Variants in ENPP2 observed in about 807,000 individuals in gnomAD.
ENPP2 encodes autotaxin.
Under a neutral mutation model 120.2 loss-of-function variants are expected in ENPP2, and 51 were observed. The observed-to-expected ratio is 0.42, with a 90% confidence interval of 0.34 to 0.54. The LOEUF is 0.54. Among genes scored for constraint, ENPP2 ranks in the 20% least tolerant of loss-of-function variants. ENPP2 has a pLI of 0.04. For missense variants in ENPP2, 920 were observed against 1,066.5 expected, an observed-to-expected ratio of 0.86 and a Z score of 1.91; for synonymous variants, 365 against 366.4, an observed-to-expected ratio of 1.00 and a Z score of 0.04.
chr8:119,672,726 C>T (rs1332631010), intron 1 of ENPP2, among the ~76,000 whole-genome samples: 1 of 152,178 alleles, frequency 6.6e-6, no homozygotes, highest in African/African-American at 2.4e-5. Flanking sequence ...CTGCGATCGG[C>T]GCGTTGTGGG....
intron 2 of ENPP2, among the ~76,000 whole-genome samples, chr8:119,631,519 C>A (rs1816684095): frequency 6.6e-6 from 1 of 152,062 alleles, no homozygotes; most frequent in Non-Finnish European, 1.5e-5. Context: ...CCCAGTCTAT[C>A]TCTTTTAAAT....
chr8:119,590,451 C>T (rs1813416379), intron 13 of ENPP2, 54 bp downstream of exon 13: 24 of 1,404,758 alleles, frequency 1.7e-5, no homozygotes, highest in Non-Finnish European at 2.0e-5. Flanking sequence ...CAAGCCCTTA[C>T]CTATTCCTTT....
chr8:119,592,174 C>A (rs1421014498), intron 12 of ENPP2, among the ~76,000 whole-genome samples: 3 of 152,154 alleles, frequency 2.0e-5, no homozygotes, highest in African/African-American at 7.2e-5. Flanking sequence ...ACTCCAAAGA[C>A]CATGCCCTAA....
At chr8:119,560,370 C>G (rs1813834655) in intron 24 of ENPP2, among the ~76,000 whole-genome samples, 1 of 152,120 alleles carries the variant, frequency 6.6e-6, no homozygotes, top group Non-Finnish European at 1.5e-5. Flanking sequence ...TGTAAACAAC[C>G]AAAATTGAGA....
chr8:119,572,566 T>A, intron 19 of ENPP2: 1 of 275,748 alleles, frequency 3.6e-6, no homozygotes, highest in East Asian at 6.5e-5. Flanking sequence ...TCTTCACAAT[T>A]GTTGTTAGCA....
intron 9 of ENPP2, among the ~76,000 whole-genome samples, chr8:119,602,633 T>C (rs1814397590): frequency 6.6e-6 from 1 of 152,184 alleles, no homozygotes; most frequent in South Asian, 2.1e-4. Context: ...ATGACAGTAT[T>C]GCATCCCCGG....
chr8:119,586,406 G>T, intron 14 of ENPP2, 93 bp from the exon 15 acceptor site: 1 of 1,211,704 alleles, frequency 8.3e-7, no homozygotes, highest in Non-Finnish European at 1.2e-6. Context: ...GAGATTTTAA[G>T]CCTAACCAAA....
rs139553486 is a variant in ENPP2 at position 119,557,530 on chromosome 8, G to A, written c.2583C>T (p.Ser861=). The change falls in exon 25 of 25, where the codon AGC becomes AGT. Residue 861 remains serine, a synonymous_variant. Transcript: ENST00000075322. The part of the protein sequence containing the change: ...TLKTYLHTYE[S]EI ...GCAGATGCTCAGAAAGTTAAATCTC[G>A]CTCTCATATGTATGCAGGTATGTCT... 8.6e-5 allele frequency: 139 copies of A among 1,611,802 alleles called. No homozygotes were observed. In the African/African-American group the frequency reaches 1.4e-3, roughly 17 times the overall value.
intron 2 of ENPP2, among the ~76,000 whole-genome samples, chr8:119,630,589 T>C (rs533277002): frequency 1.3e-5 from 2 of 152,338 alleles, no homozygotes; most frequent in South Asian, 4.1e-4. Context: ...TCAGTTACAG[T>C]TCTTGCCAAA....
chr8:119,582,585 G>A lies in ENPP2; in HGVS notation c.1561C>T (p.Pro521Ser), dbSNP rs752537154. 1 of 1,612,268 alleles carries A rather than the reference G, an allele frequency of 6.2e-7. No homozygotes were observed. Among genetic ancestry groups the A allele is most frequent in the South Asian group, 1.1e-5 (1 of 90,880 alleles). ...NVMCDLLGLK[P>S]APNNGTHGSL... Reference sequence around the variant, plus strand: ...CCATGGGTCCCATTATTAGGAGCTGGCTTCAATCCCAGGAGATCTAATGAA... The same window carrying A: ...CCATGGGTCCCATTATTAGGAGCTGACTTCAATCCCAGGAGATCTAATGAA... Residue 521 changes from proline to serine, a missense_variant, in exon 18 of 25, where the codon CCA becomes TCA. Coordinates refer to ENST00000075322, the MANE Select transcript of ENPP2 (RefSeq NM_001040092.3).
intron 8 of ENPP2, among the ~76,000 whole-genome samples, chr8:119,613,462 A>G (rs1244560137): frequency 6.6e-6 from 1 of 152,212 alleles, no homozygotes; most frequent in African/African-American, 2.4e-5. Context: ...TCTGACCCCT[A>G]TGCCATTTGG....
At chr8:119,567,982 A>G (rs1814616983) in intron 22 of ENPP2, among the ~76,000 whole-genome samples, 193 bp downstream of exon 22, 1 of 152,208 alleles carries the variant, frequency 6.6e-6, no homozygotes, top group African/African-American at 2.4e-5. Flanking sequence ...TTTTGGATCA[A>G]TGTAGAAAGT....
rs1813544905 is a variant in ENPP2, at chr8:119,557,310, C to T, written c.*211G>A. ...AAGCTTCCACTAAAAACTCAAGCTG[C>T]AGTATTTATTACAAGCTCTACTCAG... On this transcript the variant is annotated 3_prime_UTR_variant, in exon 25 of 25. Transcript: ENST00000075322. 1 of 486,476 alleles carries T rather than the reference C, an allele frequency of 2.1e-6. No individual in the cohort carries two copies. Among genetic ancestry groups the T allele is most frequent in the Non-Finnish European group, 3.6e-6 (1 of 276,940 alleles). 30.1% of individuals were successfully genotyped at this position (486,476 alleles called of 1,614,324 possible). A position where few individuals can be genotyped will look rare whatever the true frequency, so the allele number is the denominator to read the frequency against.
chr8:119,565,922 A>G (rs569722981), intron 22 of ENPP2, among the ~76,000 whole-genome samples: 1 of 151,820 alleles, frequency 6.6e-6, no homozygotes, highest in African/African-American at 2.4e-5. Context: ...ACTCCAGATT[A>G]TTTTTCATTG....
At chr8:119,622,479 C>A (rs1815972463) in intron 3 of ENPP2, among the ~76,000 whole-genome samples, 1 of 152,204 alleles carries the variant, frequency 6.6e-6, no homozygotes, top group African/African-American at 2.4e-5. Context: ...ACCTGATTGA[C>A]AGCTCACTGC....
intron 1 of ENPP2, among the ~76,000 whole-genome samples, chr8:119,665,887 T>C (rs974997174): frequency 6.6e-6 from 1 of 152,206 alleles, no homozygotes; most frequent in African/African-American, 2.4e-5. Flanking sequence ...GCATAAATGT[T>C]TGTCTTGGGA....
intron 1 of ENPP2, chr8:119,673,152 C>T: frequency 4.7e-6 from 5 of 1,057,372 alleles, no homozygotes; most frequent in South Asian, 2.7e-5. Context: ...TTCCGGCAAA[C>T]CTGGAGGCCC....
chr8:119,668,376 T>A (rs571306899), intron 1 of ENPP2, among the ~76,000 whole-genome samples: 109 of 152,136 alleles, frequency 7.2e-4, no homozygotes, highest in African/African-American at 2.5e-3. Flanking sequence ...ACGATGACTA[T>A]CATGTCTCAT....
intron 11 of ENPP2, among the ~76,000 whole-genome samples, chr8:119,595,000 G>C (rs145240304): frequency 2.6e-5 from 4 of 152,350 alleles, no homozygotes; most frequent in Middle Eastern, 3.4e-3. Flanking sequence ...GGAAGCCACA[G>C]TTGAAAGTTT....
Sources: gnomAD v4.1 joint callset for allele counts (sites outside exome capture counted in the v4.1 genomes callset) on GRCh38, gnomAD v4.1.1 for gene constraint, MANE v1.5 for transcripts, NCBI Gene and HGNC (gene_info 2026-07-23, HGNC 2026-07-21) for gene names.